Variants in RASGRP4 observed in about 807,000 individuals in gnomAD.
RASGRP4 encodes the protein RAS guanyl-releasing protein 4.
A neutral mutation model predicts 84.4 loss-of-function variants in RASGRP4; 52 were observed. The ratio of observed to expected loss-of-function variants is 0.62; its 90% CI spans 0.49 to 0.78. The LOEUF is 0.78. RASGRP4 is among the 30% of genes least tolerant of loss of function. RASGRP4 has a pLI of 0.00. For synonymous variants in RASGRP4, 356 were observed against 359.1 expected (o/e 0.99, Z 0.10); for missense variants, 760 against 886.9 (o/e 0.86, Z 1.82).
At chr19:38,410,252 G>C (rs186770690) in intron 16 of RASGRP4, among the ~76,000 whole-genome samples, 156 bp from the exon 17 acceptor site, 1 of 152,256 alleles carries the variant, frequency 6.6e-6, no homozygotes, top group East Asian at 1.9e-4. Flanking sequence ...CAATCTGAGA[G>C]TCTCTGCCCT....
At position 38,421,163 on chromosome 19, in the gene RASGRP4, G is replaced by C. The variant is rs1370035812; in HGVS notation, c.246C>G (p.Leu82=). Residue 82 remains leucine, a synonymous_variant, in exon 3 of 17, where the codon CTC becomes CTG. Coordinates refer to ENST00000615439, the MANE Select transcript of RASGRP4 (RefSeq NM_170604.3). The part of the protein sequence containing the change: ...AGSLCHEDHM[L]NMVLAMHSWV... ...AGCTGTGCATGGCCAGCACCATGTTGAGCATGTGGTCCTCGTGGCACAGGC... is the reference window on the plus strand; with the variant it reads ...AGCTGTGCATGGCCAGCACCATGTTCAGCATGTGGTCCTCGTGGCACAGGC... The C allele has an allele frequency of 6.2e-7, 1 of 1,613,912 alleles. No homozygotes were observed. The highest frequency in any genetic ancestry group is 8.5e-7 in the Non-Finnish European group (1 of 1,179,858).
intron 1 of RASGRP4, among the ~76,000 whole-genome samples, chr19:38,424,842 G>T (rs1971921213): frequency 6.6e-6 from 1 of 151,990 alleles, no homozygotes; most frequent in Non-Finnish European, 1.5e-5. Flanking sequence ...CATCACCTGG[G>T]AACTGGATAT....
At chr19:38,424,418 C>G (rs1212065420) in intron 1 of RASGRP4, among the ~76,000 whole-genome samples, 1 of 151,598 alleles carries the variant, frequency 6.6e-6, no homozygotes, top group African/African-American at 2.4e-5. Flanking sequence ...TCACGCCAGG[C>G]TCCCACCTCT....
In RASGRP4 at chr19:38,413,269, AC is replaced by A; in HGVS notation, c.1339del (p.Val447TrpfsTer8). ...LPPSPFNAPLVVEWAPGVTPK... is the reference protein window; with the variant it reads ...LPPSPFNAPLXVEWAPGVTPK... ...TGTCACACCAGGGGCCCACTCCACC[AC>A]CAGAGGTGCATTGAAGGGGGAGGGT... is the stretch of plus-strand genomic sequence containing the variant. On this transcript the variant is annotated frameshift_variant, in exon 11 of 17. Transcript: ENST00000615439. LOFTEE classifies it high-confidence loss of function. This position sits in a 1 kb window ranked among gnomAD's most constrained non-coding sequence, Gnocchi z 4.7. 6.2e-7 allele frequency: 1 copy of A among 1,612,682 alleles called. No individual in the cohort carries two copies. The highest frequency in any genetic ancestry group is 8.5e-7 in the Non-Finnish European group (1 of 1,179,442).
chr19:38,414,620 C>T (rs1269481576), intron 9 of RASGRP4, among the ~76,000 whole-genome samples: 1 of 152,254 alleles, frequency 6.6e-6, no homozygotes, highest in Non-Finnish European at 1.5e-5. Flanking sequence ...GCCACTGCGC[C>T]CGGCTGGGTC....
rs1971436633 is a variant in RASGRP4, at chr19:38,414,998, G to A, written c.1080C>T (p.Ser360=). Residue 360 remains serine (S), a synonymous_variant, in exon 9 of 17, where the codon TCC becomes TCT. Transcript: ENST00000615439. ...ACCTGTCGGGCTGTGCCTCATGCAG[G>A]GACACCAGGTCCTTGAGGTGCACGC... ...VLGVHLKDLV[S]LHEAQPDRLP... The A allele has an allele frequency of 6.2e-7, 1 of 1,613,060 alleles. No homozygotes were observed.
chr19:38,409,846 T>C lies in RASGRP4; in HGVS notation c.*194A>G. On this transcript the variant is annotated 3_prime_UTR_variant, in exon 17 of 17. Transcript: ENST00000615439. ...CTAAGTGCAGGGAAAGGGAGCAGGA[T>C]TAGCATCCACCAGGATGCAAAAGAG... 6 of 542,356 alleles carry C rather than the reference T, an allele frequency of 1.1e-5. No homozygotes were observed. Among genetic ancestry groups the C allele is most frequent in the Non-Finnish European group, 2.0e-5 (6 of 301,990 alleles). 33.6% of individuals were successfully genotyped at this position (542,356 alleles called of 1,614,324 possible).
intron 1 of RASGRP4, among the ~76,000 whole-genome samples, chr19:38,425,179 G>A (rs1262155456): frequency 3.7e-5 from 5 of 136,968 alleles, no homozygotes; most frequent in South Asian, 4.8e-4. Flanking sequence ...GCGAGACTCC[G>A]TCTCAAAAAA....
chr19:38,411,713 A>C, intron 13 of RASGRP4: 1 of 211,368 alleles, frequency 4.7e-6, no homozygotes, highest in Non-Finnish European at 9.4e-6. Flanking sequence ...AAATAAAGGA[A>C]ACTTGGAGAT....
chr19:38,419,756 G>T, intron 6 of RASGRP4, 104 bp downstream of exon 6: 2 of 1,142,502 alleles, frequency 1.8e-6, no homozygotes, highest in Non-Finnish European at 2.5e-6. Flanking sequence ...GATCTCTGCC[G>T]AATGACCATG....
At position 38,409,121 on chromosome 19, in the gene RASGRP4, G is replaced by T; in HGVS notation, c.*919C>A. On this transcript the variant is annotated 3_prime_UTR_variant, in exon 17 of 17. Coordinates refer to ENST00000615439, the MANE Select transcript of RASGRP4 (RefSeq NM_170604.3). ...TCTCTCTGTGGGGGCCAAGTCAGGGGTGTTGGGGTTTGTGAAGGGGTTGGG... is the reference window on the plus strand; with the variant it reads ...TCTCTCTGTGGGGGCCAAGTCAGGGTTGTTGGGGTTTGTGAAGGGGTTGGG... The T allele has an allele frequency of 8.5e-6, 3 of 352,876 alleles. No homozygotes were observed. The highest frequency in any genetic ancestry group is 5.0e-6 in the Non-Finnish European group (1 of 200,424). The allele number at this position is 352,876 out of a possible 1,614,324, so 21.9% of individuals were successfully genotyped here. A position where few individuals can be genotyped will look rare whatever the true frequency, so the allele number is the denominator to read the frequency against.
Position 38,418,535 on chromosome 19 carries a change from C to T in RASGRP4, c.693G>A (p.Gln231=). 6.5e-7 allele frequency: 1 copy of T among 1,541,998 alleles called. No individual in the cohort carries two copies. The highest frequency in any genetic ancestry group is 2.0e-5 in the Admixed American group (1 of 49,496). The change falls in exon 7 of 17, where the codon CAG becomes CAA. Residue 231 remains glutamine, a synonymous_variant. Coordinates refer to ENST00000615439, the MANE Select transcript of RASGRP4 (RefSeq NM_170604.3). This position sits in a 1 kb window ranked among gnomAD's most constrained non-coding sequence, Gnocchi z 4.6. The part of the protein sequence containing the change: ...TPQDLRSYVL[Q]GSVRGCPALE... ...GGGCCGGGCAGCCTCGTACTGAGCC[C>T]TGCAAAACGTAGCTCCGCAGGTCCT... is the stretch of plus-strand genomic sequence containing the variant.
intron 16 of RASGRP4, among the ~76,000 whole-genome samples, chr19:38,410,673 C>T (rs548043026): frequency 6.6e-4 from 100 of 152,222 alleles, no homozygotes; most frequent in African/African-American, 1.2e-3. Flanking sequence ...TCAGCCTCCC[C>T]GAAGTCCTGG....
At position 38,410,838 on chromosome 19, in the gene RASGRP4, G is replaced by A. The variant is rs764913445; in HGVS notation, c.1965+48C>T. ...CTGTCCAGTCTTCCCCACGCCAATG[G>A]CCTGTGTCCCCTGTATCCACTTGGG... On this transcript the variant is annotated intron_variant, in intron 16 of 16. Transcript: ENST00000615439. The A allele has an allele frequency of 2.2e-6, 3 of 1,347,140 alleles. No individual in the cohort carries two copies. The African/African-American group carries it at 4.3e-5, about 20-fold the overall frequency. 83.4% of individuals were successfully genotyped at this position (1,347,140 alleles called of 1,614,324 possible).
chr19:38,415,156 T>C, intron 8 of RASGRP4, 33 bp from the exon 9 acceptor site: 1 of 1,546,606 alleles, frequency 6.5e-7, no homozygotes, highest in Non-Finnish European at 8.7e-7. Flanking sequence ...TGGGGCGTTA[T>C]CAGGACAGTC....
Position 38,413,307 on chromosome 19 carries a change from G to C in RASGRP4, c.1312-10C>G, listed in dbSNP as rs1188959325. The C allele has an allele frequency of 6.2e-7, 1 of 1,611,260 alleles. No homozygotes were observed. Among genetic ancestry groups the C allele is most frequent in the Non-Finnish European group, 8.5e-7 (1 of 1,177,698 alleles). Reference sequence around the variant, plus strand: ...TGAAGGGGGAGGGTGGCTGGGGCGGGGACAGAGGAGCACAGTTAGTCACTG... The same window carrying C: ...TGAAGGGGGAGGGTGGCTGGGGCGGCGACAGAGGAGCACAGTTAGTCACTG... On this transcript the variant is annotated splice_polypyrimidine_tract_variant and intron_variant, in intron 10 of 16. Coordinates refer to ENST00000615439, the MANE Select transcript of RASGRP4 (RefSeq NM_170604.3). This position sits in a 1 kb window ranked among gnomAD's most constrained non-coding sequence, Gnocchi z 4.7.
Position 38,426,098 on chromosome 19 carries a change from C to T in RASGRP4, c.-7G>A, listed in dbSNP as rs575646957. On this transcript the variant is annotated 5_prime_UTR_variant, in exon 1 of 17. Coordinates refer to ENST00000615439, the MANE Select transcript of RASGRP4 (RefSeq NM_170604.3). The stretch of plus-strand genomic sequence containing the variant: ...TACTGTCTTTTCTGTTCATGCTTCC[C>T]GCGTGGGGTGAGGAGGCCGGGGGTC... 4.1e-5 allele frequency: 54 copies of T among 1,331,972 alleles called. No individual in the cohort carries two copies. Among genetic ancestry groups the T allele is most frequent in the South Asian group, 7.8e-5 (3 of 38,694 alleles). 82.5% of individuals were successfully genotyped at this position (1,331,972 alleles called of 1,614,324 possible). A position where few individuals can be genotyped will look rare whatever the true frequency, so the allele number is the denominator to read the frequency against.
At chr19:38,421,553 AAC>A (rs904972146) in intron 2 of RASGRP4, among the ~76,000 whole-genome samples, 8 of 152,000 alleles carry the variant, frequency 5.3e-5, no homozygotes, top group African/African-American at 1.7e-4. Flanking sequence ...TTCTACTAAA[AAC>A]ACAAAAATTA....
chr19:38,425,552 G>A (rs995918007), intron 1 of RASGRP4, among the ~76,000 whole-genome samples: 1 of 152,186 alleles, frequency 6.6e-6, no homozygotes, highest in African/African-American at 2.4e-5. Context: ...TGCCTCTGTG[G>A]GGACAGAAGG....
Sources: allele counts gnomAD v4.1 joint callset (sites outside exome capture counted in the v4.1 genomes callset), GRCh38; gene constraint gnomAD v4.1.1; non-coding constraint Gnocchi (gnomAD v3.1); transcripts MANE v1.5; gene names NCBI Gene and HGNC (gene_info 2026-07-23, HGNC 2026-07-21).